Variants in TMC2 observed in about 807,000 individuals in gnomAD.
TMC2 encodes the protein transmembrane channel-like protein 2.
TMC2 carries 102 observed loss-of-function variants against 105.9 expected under a neutral mutation model. The ratio of observed to expected loss-of-function variants is 0.96; its 90% confidence interval spans 0.82 to 1.14. The LOEUF (loss-of-function observed/expected upper bound fraction) is 1.14, where lower values mean the gene tolerates loss of function less well. TMC2 is among the 50% of genes most tolerant of loss of function. The pLI is 0.00. For synonymous variants in TMC2, 402 were observed against 422.8 expected (o/e 0.95, Z 0.60); for missense variants, 1,093 against 1,134.3 (o/e 0.96, Z 0.52).
At chr20:2,602,791 C>G (rs984310861) in intron 11 of TMC2, among the ~76,000 whole-genome samples, 1 of 152,224 alleles carries the variant, frequency 6.6e-6, no homozygotes, top group Non-Finnish European at 1.5e-5. Context: ...ACACAGAATC[C>G]ATAAACCTCT....
intron 16 of TMC2, 72 bp from the exon 17 acceptor site, chr20:2,624,199 G>A: frequency 2.0e-6 from 3 of 1,518,906 alleles, no homozygotes; most frequent in Non-Finnish European, 2.7e-6. Context: ...CTGGGTAGGG[G>A]GGCCATGGAC....
At position 2,602,316 on chromosome 20, in the gene TMC2, G is replaced by T. The variant is rs560722688; in HGVS notation, c.1413+15G>T. 6.4e-7 allele frequency: 1 copy of T among 1,554,720 alleles called. No homozygotes were observed. The highest frequency in any genetic ancestry group is 8.7e-7 in the Non-Finnish European group (1 of 1,149,186). ...AAAGGAATGAGGTAAGAAAAACATCGCTGATGAACTGAAGGTTGATGGCAA... is the reference window on the plus strand; with the variant it reads ...AAAGGAATGAGGTAAGAAAAACATCTCTGATGAACTGAAGGTTGATGGCAA... On this transcript the variant is annotated intron_variant, in intron 11 of 19. Transcript: ENST00000358864.
intron 10 of TMC2, among the ~76,000 whole-genome samples, chr20:2,601,704 G>A (rs1336629605): frequency 6.6e-6 from 1 of 152,102 alleles, no homozygotes; most frequent in African/African-American, 2.4e-5. Context: ...GCCAGGCGTG[G>A]TGGTGCATGC....
chr20:2,560,062 A>T (rs1296599477), intron 3 of TMC2, among the ~76,000 whole-genome samples: 1 of 152,172 alleles, frequency 6.6e-6, no homozygotes, highest in African/African-American at 2.4e-5. Context: ...TGCATGCAAG[A>T]CAGGACTTGA....
chr20:2,622,617 G>A (rs2086533377), intron 16 of TMC2, among the ~76,000 whole-genome samples: 1 of 151,916 alleles, frequency 6.6e-6, no homozygotes, highest in Non-Finnish European at 1.5e-5. Flanking sequence ...AGAGGCAGAG[G>A]TTGCAGTGAG....
At chr20:2,630,980 T>C (rs1337257593) in intron 17 of TMC2, among the ~76,000 whole-genome samples, 6 of 152,246 alleles carry the variant, frequency 3.9e-5, no homozygotes, top group Non-Finnish European at 8.8e-5. Flanking sequence ...TCTGCTGTTT[T>C]CTATATGTCT....
In TMC2 at chr20:2,617,115, C is replaced by T; in HGVS notation, c.1984C>T (p.Leu662=). The change falls in exon 16 of 20, where the codon CTG becomes TTG. Residue 662 remains leucine (L), a synonymous_variant. Coordinates refer to ENST00000358864, the MANE Select transcript of TMC2 (RefSeq NM_080751.3). ...YAPGLVGINV[L]RLLTSMYFQC... ...TCCAGGCCTGGTGGGCATTAATGTG[C>T]TGCGCCTGCTGACCTCCATGTACTT... 1 of 1,614,226 alleles carries T rather than the reference C, an allele frequency of 6.2e-7. No individual in the cohort carries two copies. Among genetic ancestry groups the T allele is most frequent in the Non-Finnish European group, 8.5e-7 (1 of 1,180,042 alleles).
rs765850144 is a variant in TMC2, at chr20:2,617,256, C to T, written c.2125C>T (p.Pro709Ser). ...LLLVLFLSLL[P>S]VAYTIMSLPP... ...GCTGGTGCTCTTCCTCAGCCTCCTG[C>T]CGGTGGCCTACACCATCATGTCCCT... The change falls in exon 16 of 20, where the codon CCG becomes TCG. Residue 709 changes from proline to serine, a missense_variant. Transcript: ENST00000358864. 1.2e-6 allele frequency: 2 copies of T among 1,614,112 alleles called. No individual in the cohort carries two copies. The highest frequency in any genetic ancestry group is 2.7e-5 in the African/African-American group (2 of 74,940).
chr20:2,641,314 C>A lies in TMC2; in HGVS notation c.2684C>A (p.Ser895Ter). 1 of 1,614,094 alleles carries A rather than the reference C, an allele frequency of 6.2e-7. No individual in the cohort carries two copies. The highest frequency in any genetic ancestry group is 8.5e-7 in the Non-Finnish European group (1 of 1,179,966). Residue 895 changes from serine to a stop codon, truncating the protein, a stop_gained, in exon 20 of 20, where the codon TCA becomes TAA. Transcript: ENST00000358864. LOFTEE classifies it high-confidence loss of function. ...HAPSQTHPWR[S>*]ASGKSAQRPP... The stretch of plus-strand genomic sequence containing the variant: ...CCATCTCAGACTCATCCGTGGAGGT[C>A]AGCCTCTGGAAAGAGTGCTCAGAGA...
chr20:2,608,326 T>TATTATTATC (rs1291542690), intron 11 of TMC2, among the ~76,000 whole-genome samples: 2 of 146,712 alleles, frequency 1.4e-5, no homozygotes, highest in Non-Finnish European at 3.0e-5. Context: ...TTATTATTAT[T>TATTATTATC]ATTATTATTA....
intron 16 of TMC2, chr20:2,617,739 C>A: frequency 5.6e-6 from 1 of 179,774 alleles, no homozygotes; most frequent in Non-Finnish European, 1.2e-5. Context: ...TAGACAGAGT[C>A]TCACTCTGTC....
intron 11 of TMC2, among the ~76,000 whole-genome samples, chr20:2,607,876 G>A (rs2146232104): frequency 6.6e-6 from 1 of 152,286 alleles, no homozygotes; most frequent in East Asian, 1.9e-4. Flanking sequence ...TGTAATCCCA[G>A]CACTTTGGGA....
At chr20:2,607,624 A>T (rs1409897463) in intron 11 of TMC2, among the ~76,000 whole-genome samples, 1 of 152,170 alleles carries the variant, frequency 6.6e-6, no homozygotes, top group Non-Finnish European at 1.5e-5. Context: ...TCTCAGATTC[A>T]TTGGATACCC....
chr20:2,576,899 GGTTTTTTTTTTTT>G lies in TMC2; in HGVS notation c.646-2233_646-2221del, dbSNP rs1213836969. Among the ~76,000 whole-genome samples the G allele has an allele frequency of 2.3e-5, 3 of 128,148 alleles. No individual in the cohort carries two copies. The Admixed American group carries it at 2.5e-4, about 10-fold the overall frequency. The allele number at this position is 128,148 out of a possible 152,430, so 84.1% of individuals were successfully genotyped here. On this transcript the variant is annotated intron_variant, in intron 5 of 19. Coordinates refer to ENST00000358864, the MANE Select transcript of TMC2 (RefSeq NM_080751.3). The stretch of plus-strand genomic sequence containing the variant: ...ATTTTTGGGTTTGGGGTTTCTTCTT[GGTTTTTTTTTTTT>G]GTTTTTTTTTTTTTGAGATGGAGTC...
At chr20:2,593,448 A>G (rs1188705228) in intron 8 of TMC2, among the ~76,000 whole-genome samples, 1 of 152,142 alleles carries the variant, frequency 6.6e-6, no homozygotes, top group Non-Finnish European at 1.5e-5. Flanking sequence ...TGGACTGAGT[A>G]AGAAAAAGCC....
intron 10 of TMC2, among the ~76,000 whole-genome samples, chr20:2,600,756 G>A (rs185168406): frequency 5.3e-5 from 8 of 152,016 alleles, no homozygotes; most frequent in African/African-American, 1.7e-4. Context: ...CCTGGGAGGC[G>A]GAGCTTGCAG....
chr20:2,568,771 G>C (rs2086082109), intron 4 of TMC2, among the ~76,000 whole-genome samples: 1 of 152,178 alleles, frequency 6.6e-6, no homozygotes, highest in South Asian at 2.1e-4. Flanking sequence ...GGGGAACAGG[G>C]AGAAGATCCC....
Position 2,617,262 on chromosome 20 carries a change from G to A in TMC2, c.2131G>A (p.Ala711Thr), listed in dbSNP as rs1328714864. 5 of 1,614,162 alleles carry A rather than the reference G, an allele frequency of 3.1e-6. No homozygotes were observed. The highest frequency in any genetic ancestry group is 4.2e-6 in the Non-Finnish European group (5 of 1,180,026). Residue 711 changes from alanine to threonine, a missense_variant, in exon 16 of 20, where the codon GCC becomes ACC. By Grantham distance (58) the Ala-to-Thr change is moderately conservative (BLOSUM62 0). Coordinates refer to ENST00000358864, the MANE Select transcript of TMC2 (RefSeq NM_080751.3). ...GCTCTTCCTCAGCCTCCTGCCGGTGGCCTACACCATCATGTCCCTCCCACC... is the reference window on the plus strand; with the variant it reads ...GCTCTTCCTCAGCCTCCTGCCGGTGACCTACACCATCATGTCCCTCCCACC... ...LVLFLSLLPV[A>T]YTIMSLPPSF...
chr20:2,622,525 G>A (rs550769871), intron 16 of TMC2, among the ~76,000 whole-genome samples: 25 of 152,062 alleles, frequency 1.6e-4, no homozygotes, highest in Admixed American at 2.6e-4. Context: ...AAAATTAGCC[G>A]GGCGTAGTGG....
Sources: allele counts gnomAD v4.1 joint callset (sites outside exome capture counted in the v4.1 genomes callset), GRCh38; gene constraint gnomAD v4.1.1; transcripts MANE v1.5; gene names NCBI Gene and HGNC (gene_info 2026-07-23, HGNC 2026-07-21).